Variants in DOCK5 observed in about 807,000 individuals in gnomAD.
DOCK5 encodes dedicator of cytokinesis protein 5.
A neutral mutation model predicts 251.8 loss-of-function variants in DOCK5; 142 were observed. The observed-to-expected ratio is 0.56, with a 90% CI of 0.49 to 0.65. The LOEUF (loss-of-function observed/expected upper bound fraction) is 0.65, where lower values mean the gene tolerates loss of function less well. Among genes scored for constraint, DOCK5 ranks in the 30% least tolerant of loss-of-function variants. DOCK5 has a pLI of 0.00. For synonymous variants in DOCK5, 842 were observed against 835.5 expected, an observed-to-expected ratio of 1.01 and a Z score of -0.13; for missense variants, 2,111 against 2,312.3, an observed-to-expected ratio of 0.91 and a Z score of 1.79.
intron 3 of DOCK5, among the ~76,000 whole-genome samples, chr8:25,273,066 C>CGTGGCGCA (rs1554528986): frequency 4.0e-5 from 6 of 151,590 alleles, no homozygotes; most frequent in Non-Finnish European, 5.9e-5. Flanking sequence ...AATCATTTGC[C>CGTGGCGCA]GTGGCGCAGT....
intron 27 of DOCK5, among the ~76,000 whole-genome samples, chr8:25,357,280 T>C (rs1025720506): frequency 6.6e-6 from 1 of 151,530 alleles, no homozygotes; most frequent in Non-Finnish European, 1.5e-5. Flanking sequence ...TAGACACCGT[T>C]GGGAAAACAA....
chr8:25,232,054 C>A (rs1050203498), intron 1 of DOCK5, among the ~76,000 whole-genome samples: 1 of 152,092 alleles, frequency 6.6e-6, no homozygotes, highest in Non-Finnish European at 1.5e-5. Flanking sequence ...ATTGGTAATT[C>A]AATTCTATTG....
At chr8:25,320,253 G>T (rs939556870) in intron 15 of DOCK5, among the ~76,000 whole-genome samples, 2 of 152,100 alleles carry the variant, frequency 1.3e-5, no homozygotes, top group African/African-American at 4.8e-5. Context: ...GCTCTTTCTG[G>T]TTGTCGAAGT....
chr8:25,382,668 T>A lies in DOCK5; in HGVS notation c.4027-6T>A. 1.2e-6 allele frequency: 2 copies of A among 1,602,658 alleles called. No homozygotes were observed. Among genetic ancestry groups the A allele is most frequent in the Non-Finnish European group, 1.7e-6 (2 of 1,174,292 alleles). The stretch of plus-strand genomic sequence containing the variant: ...TCCCCTTGGAATGTCTTGTTTTGTT[T>A]TCCAGAAAAAAAGGGCCTCATTTTA... On this transcript the variant is annotated splice_polypyrimidine_tract_variant and splice_region_variant and intron_variant, in intron 39 of 51. Coordinates refer to ENST00000276440, the MANE Select transcript of DOCK5 (RefSeq NM_024940.8).
At chr8:25,342,688 C>CTTGTT (rs1800260967) in intron 25 of DOCK5, among the ~76,000 whole-genome samples, 181 bp downstream of exon 25, 1 of 114,262 alleles carries the variant, frequency 8.8e-6, no homozygotes, top group South Asian at 3.0e-4. Context: ...TTTGTTTTTT[C>CTTGTT]TTGTTTTTTT....
intron 40 of DOCK5, 89 bp downstream of exon 40, chr8:25,382,867 T>G (rs1801094112): frequency 9.5e-7 from 1 of 1,056,202 alleles, no homozygotes; most frequent in African/African-American, 1.6e-5. Flanking sequence ...TGTTAGCAGC[T>G]GCCGACCCGT....
chr8:25,283,413 CT>C (rs2117137501), intron 5 of DOCK5, among the ~76,000 whole-genome samples: 1 of 152,138 alleles, frequency 6.6e-6, no homozygotes, highest in East Asian at 1.9e-4. Flanking sequence ...CACTTCAAGT[CT>C]GCTGGATGTT....
In DOCK5 at chr8:25,276,840, A is replaced by C. The variant is rs558337522; in HGVS notation, c.224+1399A>C. Reference sequence around the variant, plus strand: ...AAATTGGTAACAGATATTCCTCCTCATCTTTGGACCCATACAACAGCAGAA... The same window carrying C: ...AAATTGGTAACAGATATTCCTCCTCCTCTTTGGACCCATACAACAGCAGAA... On this transcript the variant is annotated intron_variant, in intron 4 of 51. Coordinates refer to ENST00000276440, the MANE Select transcript of DOCK5 (RefSeq NM_024940.8). 3.3e-5 allele frequency: 5 copies of C among 152,284 alleles called. No individual in the cohort carries two copies. The South Asian group carries it at 1.0e-3, about 32-fold the overall frequency. The allele number at this position is 152,284 out of a possible 1,614,324, so 9.4% of individuals were successfully genotyped here.
chr8:25,203,479 G>A (rs1801927202), intron 1 of DOCK5, among the ~76,000 whole-genome samples: 1 of 152,228 alleles, frequency 6.6e-6, no homozygotes, highest in South Asian at 2.1e-4. Context: ...TAAGCCAAGA[G>A]CCTTGGAAAT....
chr8:25,264,889 G>A (rs1278203270), intron 2 of DOCK5, among the ~76,000 whole-genome samples: 1 of 151,914 alleles, frequency 6.6e-6, no homozygotes, highest in Non-Finnish European at 1.5e-5. Context: ...ACCCTCCAAC[G>A]CTTCCTGCTG....
At chr8:25,229,965 G>A (rs1586247032) in intron 1 of DOCK5, among the ~76,000 whole-genome samples, 1 of 152,068 alleles carries the variant, frequency 6.6e-6, no homozygotes, top group East Asian at 1.9e-4. Context: ...ATGATTTTAA[G>A]CAAGCTACTT....
intron 38 of DOCK5, among the ~76,000 whole-genome samples, chr8:25,378,096 T>C (rs1042212444): frequency 3.3e-5 from 5 of 152,114 alleles, no homozygotes; most frequent in African/African-American, 1.2e-4. Context: ...ACAATGAACT[T>C]GATCTTTAGC....
chr8:25,322,866 G>A (rs1254857375), intron 16 of DOCK5, among the ~76,000 whole-genome samples: 4 of 152,182 alleles, frequency 2.6e-5, no homozygotes, highest in Admixed American at 1.3e-4. Flanking sequence ...CAATTCAAGG[G>A]TGGTTTCTGG....
rs986718827 is a variant in DOCK5, at chr8:25,211,760, A to G, written c.43+26809A>G. Reference sequence around the variant, plus strand: ...GAGGTCAAGGCTACAGTGAGCTACTATCATGCTGCTGCACTCCAGCCTAGG... The same window carrying G: ...GAGGTCAAGGCTACAGTGAGCTACTGTCATGCTGCTGCACTCCAGCCTAGG... On this transcript the variant is annotated intron_variant, in intron 1 of 51. Coordinates refer to ENST00000276440, the MANE Select transcript of DOCK5 (RefSeq NM_024940.8). Among the ~76,000 whole-genome samples the G allele has an allele frequency of 2.3e-4, 16 of 69,618 alleles. 5 individuals carry two copies. Among genetic ancestry groups the G allele is most frequent in the African/African-American group, 5.2e-4 (16 of 30,648 alleles). 45.7% of individuals were successfully genotyped at this position (69,618 alleles called of 152,430 possible).
chr8:25,268,964 C>G, intron 3 of DOCK5, 79 bp downstream of exon 3: 2 of 1,222,984 alleles, frequency 1.6e-6, no homozygotes, highest in Admixed American at 2.5e-5. Context: ...ACCCTCTCCT[C>G]TGCTCTCTGC....
rs1431412107 is a variant in DOCK5 at position 25,377,415 on chromosome 8, C to T, written c.3927C>T (p.Asp1309=). The change falls in exon 38 of 52, where the codon GAC becomes GAT. Residue 1309 remains aspartate (D), a synonymous_variant. Transcript: ENST00000276440. ...KLYQEIISYF[D]KGKMWEKAIK... ...ATCAAGAAATCATATCATATTTCGACAAAGGCAAAGTGAGTATTGGATTGT... is the reference window on the plus strand; with the variant it reads ...ATCAAGAAATCATATCATATTTCGATAAAGGCAAAGTGAGTATTGGATTGT... 1 of 1,613,276 alleles carries T rather than the reference C, an allele frequency of 6.2e-7. No individual in the cohort carries two copies. Among genetic ancestry groups the T allele is most frequent in the Non-Finnish European group, 8.5e-7 (1 of 1,179,606 alleles).
At chr8:25,319,989 T>C (rs2252719) in intron 15 of DOCK5, among the ~76,000 whole-genome samples, 137,139 of 152,220 alleles carry the variant, frequency 0.9, 61,832 homozygotes, top group Middle Eastern at 0.98. Flanking sequence ...TTTTTTTATT[T>C]TTGGCCTCTC....
chr8:25,325,321 G>A, intron 17 of DOCK5, 43 bp from the exon 18 acceptor site: 1 of 1,592,536 alleles, frequency 6.3e-7, no homozygotes, highest in Non-Finnish European at 8.6e-7. Context: ...GCATATAAGA[G>A]ATTTTGGCCA....
chr8:25,253,053 G>T (rs1803314497), intron 2 of DOCK5, among the ~76,000 whole-genome samples: 1 of 152,132 alleles, frequency 6.6e-6, no homozygotes, highest in Admixed American at 6.5e-5. Context: ...CAAACTCCTG[G>T]CCTCATGTGA....
Sources: gnomAD v4.1 joint callset for allele counts (sites outside exome capture counted in the v4.1 genomes callset) on GRCh38, gnomAD v4.1.1 for gene constraint, MANE v1.5 for transcripts, NCBI Gene and HGNC (gene_info 2026-07-23, HGNC 2026-07-21) for gene names.